Variants in LRP1B observed in about 807,000 individuals in gnomAD.
LRP1B encodes LDL receptor related protein 1B.
In LRP1B, 217 loss-of-function variants were observed where a neutral mutation model predicts 556.6. The observed-to-expected ratio is 0.39, with a 90% CI of 0.35 to 0.44. The LOEUF (loss-of-function observed/expected upper bound fraction) is 0.44. Among genes scored for constraint, LRP1B ranks in the 20% least tolerant of loss-of-function variants. The probability of loss-of-function intolerance (pLI) is 1.00; values close to 1 mark genes in which losing one functional copy is unlikely to be tolerated. For synonymous variants in LRP1B, 2,047 were observed against 1,865.8 expected, an observed-to-expected ratio of 1.10 and a Z score of -2.50; for missense variants, 5,053 against 5,620.8, an observed-to-expected ratio of 0.90 and a Z score of 3.23.
intron 3 of LRP1B, among the ~76,000 whole-genome samples, chr2:141,332,448 GAA>G (rs59675152): frequency 4.3e-5 from 6 of 138,990 alleles, no homozygotes; most frequent in African/African-American, 1.6e-4. Context: ...ATATCTAACT[GAA>G]AAAAAAAAAA....
chr2:140,500,122 G>T (rs750418396), intron 55 of LRP1B, among the ~76,000 whole-genome samples: 8 of 151,732 alleles, frequency 5.3e-5, no homozygotes, highest in Non-Finnish European at 1.0e-4. Flanking sequence ...GTAATATATT[G>T]TTTATGAATG....
At chr2:141,997,210 C>G (rs776476389) in intron 1 of LRP1B, among the ~76,000 whole-genome samples, 2 of 151,882 alleles carry the variant, frequency 1.3e-5, no homozygotes, top group Non-Finnish European at 2.9e-5. Context: ...TTCACCACAA[C>G]AGCCTGGGTT....
At chr2:141,363,078 T>C (rs1272415247) in intron 3 of LRP1B, among the ~76,000 whole-genome samples, 1 of 152,196 alleles carries the variant, frequency 6.6e-6, no homozygotes, top group Non-Finnish European at 1.5e-5. Flanking sequence ...CTCCACAATC[T>C]GGTGTCAAAG....
intron 2 of LRP1B, among the ~76,000 whole-genome samples, chr2:141,601,808 G>A (rs527862853): frequency 8.8e-4 from 134 of 152,038 alleles, no homozygotes; most frequent in Middle Eastern, 3.4e-3. Context: ...TCACCATGTT[G>A]GCCAGGCTGG....
intron 49 of LRP1B, among the ~76,000 whole-genome samples, chr2:140,523,506 T>G (rs1407812842): frequency 6.6e-6 from 1 of 151,828 alleles, no homozygotes. Flanking sequence ...CACCACTCCT[T>G]TTCAACATAG....
chr2:140,297,145 A>C (rs1426542601), intron 84 of LRP1B, among the ~76,000 whole-genome samples: 1 of 152,164 alleles, frequency 6.6e-6, no homozygotes, highest in Non-Finnish European at 1.5e-5. Flanking sequence ...AGTAACAAGA[A>C]GAAAGACAAG....
intron 41 of LRP1B, among the ~76,000 whole-genome samples, chr2:140,638,025 C>G (rs1048631490): frequency 6.6e-6 from 1 of 152,158 alleles, no homozygotes; most frequent in African/African-American, 2.4e-5. Context: ...GTAATTAGAG[C>G]ATGATATTAT....
In LRP1B at chr2:142,082,897, G is replaced by T. The variant is rs552875561; in HGVS notation, c.82+47751C>A. Among the ~76,000 whole-genome samples, 4 of 152,034 alleles carry T rather than the reference G, an allele frequency of 2.6e-5. No homozygotes were observed. In the South Asian group the frequency reaches 8.3e-4, roughly 32 times the overall value. On this transcript the variant is annotated intron_variant, in intron 1 of 90. Coordinates refer to ENST00000389484, the MANE Select transcript of LRP1B (RefSeq NM_018557.3). ...ACTTTTGGATGGGCTTTTTTTTGTG[G>T]CCAGGATGAGGACATGAGATGTCTT... is the stretch of plus-strand genomic sequence containing the variant.
intron 3 of LRP1B, among the ~76,000 whole-genome samples, chr2:141,274,057 C>T (rs1685191077): frequency 6.6e-6 from 1 of 152,138 alleles, no homozygotes; most frequent in Non-Finnish European, 1.5e-5. Context: ...TAGTGACAGA[C>T]AATAACAAGT....
In LRP1B at chr2:140,903,165, T is replaced by A. The variant is rs2105223689; in HGVS notation, c.3521A>T (p.Asp1174Val). 1 of 1,612,670 alleles carries A rather than the reference T, an allele frequency of 6.2e-7. No individual in the cohort carries two copies. The highest frequency in any genetic ancestry group is 8.5e-7 in the Non-Finnish European group (1 of 1,179,368). ...GCCTCCATTGTTCAGCGAACACTCA[T>A]CTATAAAAAGGGGGGAACAGATTAT... ...PDGSDEGYLC[D>V]ECSLNNGGCS... Residue 1174 changes from aspartate (D) to valine (V), a missense_variant and splice_region_variant, in exon 23 of 91, where the codon GAT becomes GTT. This residue lies in a region of LRP1B where 3,619 missense variants were observed against 3,931.9 expected (regional missense o/e 0.92). Transcript: ENST00000389484.
At chr2:140,775,398 G>A (rs1689457234) in intron 33 of LRP1B, among the ~76,000 whole-genome samples, 1 of 148,334 alleles carries the variant, frequency 6.7e-6, no homozygotes, top group Non-Finnish European at 1.5e-5. Flanking sequence ...CCTAAGAAAA[G>A]TATGTGAAGC....
intron 2 of LRP1B, among the ~76,000 whole-genome samples, chr2:141,726,960 C>T (rs780336199): frequency 9.2e-5 from 14 of 151,772 alleles, no homozygotes; most frequent in Non-Finnish European, 1.9e-4. Context: ...GATTTTACAT[C>T]TGGTTTGTGA....
intron 2 of LRP1B, among the ~76,000 whole-genome samples, chr2:141,577,695 C>T (rs913037509): frequency 1.3e-5 from 2 of 152,130 alleles, no homozygotes; most frequent in African/African-American, 4.8e-5. Flanking sequence ...TATTACCTCT[C>T]GCAGATCATA....
At chr2:141,316,730 C>T (rs940576664) in intron 3 of LRP1B, among the ~76,000 whole-genome samples, 2 of 152,206 alleles carry the variant, frequency 1.3e-5, no homozygotes, top group African/African-American at 4.8e-5. Flanking sequence ...AGAATCTGCA[C>T]GCTGACTCGC....
At chr2:140,545,544 C>T (rs927191255) in intron 43 of LRP1B, among the ~76,000 whole-genome samples, 23 of 152,036 alleles carry the variant, frequency 1.5e-4, no homozygotes, top group Admixed American at 1.2e-3. Context: ...GAATAGAGTC[C>T]TTTCCCCTTT....
intron 7 of LRP1B, among the ~76,000 whole-genome samples, chr2:141,157,558 T>C (rs1017458040): frequency 6.6e-6 from 1 of 152,104 alleles, no homozygotes; most frequent in African/African-American, 2.4e-5. Flanking sequence ...ATAAAAAATT[T>C]AAATGACATA....
intron 1 of LRP1B, among the ~76,000 whole-genome samples, chr2:142,090,357 G>T (rs1237430604): frequency 6.6e-6 from 1 of 151,988 alleles, no homozygotes; most frequent in Non-Finnish European, 1.5e-5. Context: ...TTGTAATTTA[G>T]CTATTTGCAC....
At chr2:141,203,392 A>T (rs1488312402) in intron 6 of LRP1B, among the ~76,000 whole-genome samples, 1 of 152,174 alleles carries the variant, frequency 6.6e-6, no homozygotes, top group Non-Finnish European at 1.5e-5. Context: ...TGCAATCCTA[A>T]TCTGTGATAA....
At chr2:141,301,263 G>A (rs189052695) in intron 3 of LRP1B, among the ~76,000 whole-genome samples, 1 of 152,048 alleles carries the variant, frequency 6.6e-6, no homozygotes. Flanking sequence ...CGGGACATTG[G>A]GAATAAATAT....
Sources: gnomAD v4.1 joint callset for allele counts (sites outside exome capture counted in the v4.1 genomes callset) on GRCh38, gnomAD v4.1.1 for gene constraint, gnomAD v4.1.1 regional missense constraint, MANE v1.5 for transcripts, NCBI Gene and HGNC (gene_info 2026-07-23, HGNC 2026-07-21) for gene names.